Variants in CREB5 observed in about 807,000 individuals in gnomAD.
CREB5 encodes cAMP responsive element binding protein 5.
CREB5 carries 19 observed loss-of-function variants against 57.1 expected under a neutral mutation model. That is an observed-to-expected ratio of 0.33 (90% CI 0.23 to 0.49). CREB5 has a LOEUF of 0.49. Among genes scored for constraint, CREB5 ranks in the 20% least tolerant of loss-of-function variants. CREB5 has a pLI of 0.99. For synonymous variants in CREB5, 238 were observed against 238.3 expected, an observed-to-expected ratio of 1.00 and a Z score of 0.01; for missense variants, 579 against 671.6, an observed-to-expected ratio of 0.86 and a Z score of 1.52.
At chr7:28,656,715 A>G (rs1799345762) in intron 5 of CREB5, among the ~76,000 whole-genome samples, 1 of 152,232 alleles carries the variant, frequency 6.6e-6, no homozygotes, top group African/African-American at 2.4e-5. Flanking sequence ...AAGAAAGTCC[A>G]TCTCTGCTCA....
rs187170982 is a variant in CREB5 at position 28,684,056 on chromosome 7, T to C, written c.465-34697T>C. On this transcript the variant is annotated intron_variant, in intron 5 of 10. Coordinates refer to ENST00000357727, the MANE Select transcript of CREB5 (RefSeq NM_182898.4). ...GTCCATAGCTTGATATTAACCAAGA[T>C]GGTCAATGGCTCATTTAAAAAGGAA... Among the ~76,000 whole-genome samples, 16 of 152,332 alleles carry C rather than the reference T, an allele frequency of 1.1e-4. No individual in the cohort carries two copies. In the East Asian group the frequency reaches 3.1e-3, roughly 29 times the overall value.
chr7:28,415,009 CT>C (rs1319391883), intron 1 of CREB5, among the ~76,000 whole-genome samples: 1 of 151,978 alleles, frequency 6.6e-6, no homozygotes, highest in South Asian at 2.1e-4. Flanking sequence ...CCCTCACCCC[CT>C]GAGAAATAGA....
intron 4 of CREB5, among the ~76,000 whole-genome samples, chr7:28,512,402 G>A (rs983551919): frequency 3.9e-5 from 6 of 152,152 alleles, no homozygotes; most frequent in East Asian, 1.9e-4. Context: ...CAGAGACGAC[G>A]CAGGAGACCA....
chr7:28,693,602 G>A (rs903523267), intron 5 of CREB5, among the ~76,000 whole-genome samples: 1 of 152,130 alleles, frequency 6.6e-6, no homozygotes, highest in Non-Finnish European at 1.5e-5. Context: ...TAATCAATAT[G>A]GCCAGATGAG....
At chr7:28,736,628 C>T (rs1337262500) in intron 7 of CREB5, among the ~76,000 whole-genome samples, 1 of 152,118 alleles carries the variant, frequency 6.6e-6, no homozygotes, top group East Asian at 1.9e-4. Flanking sequence ...GATTTGAACC[C>T]AGCTCTGGTT....
Position 28,542,045 on chromosome 7 carries a change from G to A in CREB5, c.292-28320G>A, listed in dbSNP as rs372511779. 5.9e-5 allele frequency among the ~76,000 whole-genome samples: 9 copies of A among 152,186 alleles called. No individual in the cohort carries two copies. The East Asian group carries it at 1.7e-3, about 29-fold the overall frequency. On this transcript the variant is annotated intron_variant, in intron 4 of 10. Transcript: ENST00000357727. ...ATATGCTTGTTTGCCACTAAGCAAAGAAAATAAAAATGCAGCTGATGTCAT... is the reference window on the plus strand; with the variant it reads ...ATATGCTTGTTTGCCACTAAGCAAAAAAAATAAAAATGCAGCTGATGTCAT...
intron 1 of CREB5, among the ~76,000 whole-genome samples, chr7:28,399,232 T>C (rs565748276): frequency 4.4e-4 from 67 of 151,536 alleles, no homozygotes; most frequent in African/African-American, 1.6e-3. Context: ...AAAAGTTCTA[T>C]ATGGCAAAAG....
chr7:28,560,805 TGCGCGTGTGTGTGTGTGCGCGC>T (rs1388604101), intron 4 of CREB5, among the ~76,000 whole-genome samples: 10 of 54,826 alleles, frequency 1.8e-4, no homozygotes, highest in African/African-American at 5.7e-4. Context: ...ACAGTGTGTG[TGCGCGTGTGTGTGTGTGCGCGC>T]GCGCGCGTGT....
intron 1 of CREB5, among the ~76,000 whole-genome samples, chr7:28,451,755 T>G (rs930562465): frequency 2.6e-5 from 4 of 152,060 alleles, no homozygotes; most frequent in Non-Finnish European, 5.9e-5. Context: ...TAGAGAGTGT[T>G]GCTAAATTGA....
At chr7:28,577,086 C>A (rs1027479064) in intron 5 of CREB5, among the ~76,000 whole-genome samples, 3 of 152,194 alleles carry the variant, frequency 2.0e-5, no homozygotes, top group South Asian at 4.1e-4. Flanking sequence ...GTTCAGAGTT[C>A]ATGGATTTTA....
intron 4 of CREB5, chr7:28,513,453 T>TTA (rs1792802807): frequency 6.6e-6 from 1 of 151,964 alleles, no homozygotes; most frequent in Non-Finnish European, 1.5e-5. Context: ...TTCATTTTTT[T>TTA]TTTTTATCAG....
chr7:28,450,091 C>T lies in CREB5; in HGVS notation c.3+37174C>T, dbSNP rs77613349. Among the ~76,000 whole-genome samples the T allele has an allele frequency of 3.2e-3, 491 of 152,274 alleles. 6 individuals are homozygous for T. Among genetic ancestry groups the T allele is most frequent in the African/African-American group, 0.012 (480 of 41,554 alleles). ...AAGAGAAGCTGTTATTTTGCAAAAT[C>T]GATGGATATTGCTAATGAGTTTAAA... On this transcript the variant is annotated intron_variant, in intron 1 of 10. Transcript: ENST00000357727.
chr7:28,736,790 A>T (rs1439887337), intron 7 of CREB5, among the ~76,000 whole-genome samples: 4 of 148,532 alleles, frequency 2.7e-5, no homozygotes, highest in African/African-American at 9.9e-5. Context: ...TTTATTATCC[A>T]TGTCAGCTAT....
intron 5 of CREB5, among the ~76,000 whole-genome samples, chr7:28,582,368 C>T (rs577869144): frequency 2.6e-5 from 4 of 152,282 alleles, no homozygotes; most frequent in South Asian, 4.1e-4. Flanking sequence ...GTAACCTTCA[C>T]GGGGAACCAC....
chr7:28,753,308 C>T (rs1805089031), intron 7 of CREB5, among the ~76,000 whole-genome samples: 1 of 152,032 alleles, frequency 6.6e-6, no homozygotes, highest in Admixed American at 6.6e-5. Context: ...ATCACAATAC[C>T]ATACTATGTA....
chr7:28,678,376 A>G (rs1451012077), intron 5 of CREB5, among the ~76,000 whole-genome samples: 1 of 152,210 alleles, frequency 6.6e-6, no homozygotes, highest in African/African-American at 2.4e-5. Flanking sequence ...CGACAGAGTG[A>G]GACTCTGCTC....
At chr7:28,676,430 A>G (rs1413683280) in intron 5 of CREB5, among the ~76,000 whole-genome samples, 2 of 152,194 alleles carry the variant, frequency 1.3e-5, no homozygotes, top group Non-Finnish European at 2.9e-5. Flanking sequence ...TAATTCAGAC[A>G]CTTAATTTCC....
intron 1 of CREB5, among the ~76,000 whole-genome samples, chr7:28,486,389 G>A (rs777460308): frequency 1.8e-4 from 27 of 151,764 alleles, no homozygotes; most frequent in Non-Finnish European, 3.5e-4. Context: ...CAGACAAAGG[G>A]TGATTATTCT....
At chr7:28,387,858 C>A (rs920858155) in intron 1 of CREB5, among the ~76,000 whole-genome samples, 2 of 151,956 alleles carry the variant, frequency 1.3e-5, no homozygotes, top group African/African-American at 4.8e-5. Context: ...TTTGAGAGTA[C>A]CTTATTACTT....
Sources: gnomAD v4.1 joint callset for allele counts (sites outside exome capture counted in the v4.1 genomes callset) on GRCh38, gnomAD v4.1.1 for gene constraint, MANE v1.5 for transcripts, NCBI Gene and HGNC (gene_info 2026-07-23, HGNC 2026-07-21) for gene names.